The following C12orf42 variants were observed in gnomAD, a reference collection of about 807,000 sequenced individuals.
The protein encoded by C12orf42 is uncharacterized protein C12orf42.
In C12orf42, 25 loss-of-function variants were observed where a neutral mutation model predicts 21.6. That is an observed-to-expected ratio of 1.16 (90% CI 0.84 to 1.62). The LOEUF is 1.62. C12orf42 is among the 40% of genes most tolerant of loss of function. The pLI, the probability that C12orf42 is intolerant of heterozygous loss-of-function variation, is 0.00. For synonymous variants in C12orf42, 174 were observed against 175.0 expected (o/e 0.99, Z 0.05); for missense variants, 483 against 459.3 (o/e 1.05, Z -0.47).
chr12:103,048,238 G>A, the C12orf42 span, among the ~76,000 whole-genome samples: 1 of 152,048 alleles, frequency 6.6e-6, no homozygotes, highest in African/African-American at 2.4e-5. Context: ...GAATAATAAA[G>A]TAGGGGGCAG....
At chr12:103,371,708 T>A (rs1211776487) in intron 3 of C12orf42, among the ~76,000 whole-genome samples, 2 of 152,110 alleles carry the variant, frequency 1.3e-5, no homozygotes, top group Non-Finnish European at 1.5e-5. Flanking sequence ...CATGTGTGCA[T>A]GGGCAATCTT....
chr12:103,346,088 C>T (rs1385824772), intron 4 of C12orf42, among the ~76,000 whole-genome samples: 1 of 152,110 alleles, frequency 6.6e-6, no homozygotes, highest in Non-Finnish European at 1.5e-5. Context: ...AATTACAATT[C>T]TTCAATGTTA....
At chr12:103,200,439 T>A in the C12orf42 span, among the ~76,000 whole-genome samples, 9 of 152,356 alleles carry the variant, frequency 5.9e-5, no homozygotes, top group African/African-American at 2.2e-4. Flanking sequence ...AACAATACTG[T>A]ATTGCATATA....
the C12orf42 span, among the ~76,000 whole-genome samples, chr12:103,506,867 TA>T: frequency 2.9e-4 from 19 of 65,620 alleles, no homozygotes; most frequent in South Asian, 6.9e-4. Flanking sequence ...ATTATATATA[TA>T]TATTTATATA....
intron 4 of C12orf42, among the ~76,000 whole-genome samples, chr12:103,314,113 A>G (rs948138841): frequency 6.6e-6 from 1 of 152,220 alleles, no homozygotes; most frequent in Non-Finnish European, 1.5e-5. Context: ...GGAAAAAAAG[A>G]GTATCCCAGC....
chr12:103,302,162 A>G lies in C12orf42; in HGVS notation c.1029T>C (p.His343=), dbSNP rs758623634. 1 of 1,349,914 alleles carries G rather than the reference A, an allele frequency of 7.4e-7. No individual in the cohort carries two copies. Among genetic ancestry groups the G allele is most frequent in the African/African-American group, 1.5e-5 (1 of 68,938 alleles). 83.6% of individuals were successfully genotyped at this position (1,349,914 alleles called of 1,614,324 possible). A position where few individuals can be genotyped will look rare whatever the true frequency, so the allele number is the denominator to read the frequency against. The change falls in exon 6 of 6, where the codon CAT becomes CAC. Residue 343 remains histidine, a synonymous_variant. Coordinates refer to ENST00000548883, the MANE Select transcript of C12orf42 (RefSeq NM_198521.5). ...TAGAAAGGGCCTGTGAACAAACCGTATGGAAACGCCGGGTTGGGCGGGGGG... is the reference window on the plus strand; with the variant it reads ...TAGAAAGGGCCTGTGAACAAACCGTGTGGAAACGCCGGGTTGGGCGGGGGG... The part of the protein sequence containing the change: ...SAPPRPTRRF[H]TVCSQALSRP...
chr12:103,159,334 G>T, the C12orf42 span: 1 of 152,158 alleles, frequency 6.6e-6, no homozygotes, highest in Non-Finnish European at 1.5e-5. Context: ...CCTAATGTTA[G>T]TGATGACACA....
At chr12:103,280,791 C>T (rs1436402183) in intron 4 of C12orf42, among the ~76,000 whole-genome samples, 1 of 152,198 alleles carries the variant, frequency 6.6e-6, no homozygotes, top group Non-Finnish European at 1.5e-5. Flanking sequence ...ACCACACGAA[C>T]CTATGGATTA....
chr12:103,062,623 C>T, the C12orf42 span, among the ~76,000 whole-genome samples: 65 of 152,008 alleles, frequency 4.3e-4, no homozygotes, highest in Non-Finnish European at 8.1e-4. Context: ...TACTTTTGCA[C>T]CAACCTAATA....
the C12orf42 span, among the ~76,000 whole-genome samples, chr12:103,124,314 T>G: frequency 6.6e-6 from 1 of 151,928 alleles, no homozygotes; most frequent in Non-Finnish European, 1.5e-5. Context: ...CACAGAAAAG[T>G]GTGTACCATG....
At chr12:103,559,175 C>G in the C12orf42 span, 3 of 152,244 alleles carry the variant, frequency 2.0e-5, no homozygotes, top group South Asian at 6.2e-4. Flanking sequence ...TGCTCTTGCT[C>G]TAGGAGGTTG....
downstream of C12orf42, among the ~76,000 whole-genome samples, chr12:103,266,874 G>T (rs190935089): frequency 4.3e-4 from 65 of 152,206 alleles, no homozygotes; most frequent in African/African-American, 1.4e-3. Context: ...TAACCTTCTA[G>T]GGTATCTGGG....
chr12:103,301,433 T>G (rs1347047242), downstream of C12orf42, among the ~76,000 whole-genome samples: 1 of 152,198 alleles, frequency 6.6e-6, no homozygotes, highest in Non-Finnish European at 1.5e-5. Flanking sequence ...AGCTGCTATA[T>G]TAACAAAATA....
intron 4 of C12orf42, among the ~76,000 whole-genome samples, chr12:103,325,540 T>C (rs2040596895): frequency 6.6e-6 from 1 of 152,170 alleles, no homozygotes; most frequent in South Asian, 2.1e-4. Flanking sequence ...GAAGGCTGAG[T>C]CTTGCCATAC....
chr12:103,118,449 A>G, the C12orf42 span, among the ~76,000 whole-genome samples: 3 of 152,198 alleles, frequency 2.0e-5, no homozygotes, highest in South Asian at 2.1e-4. Flanking sequence ...CAAGATTCAT[A>G]TGGACCTTTC....
the C12orf42 span, among the ~76,000 whole-genome samples, chr12:103,137,790 G>A: frequency 0.012 from 1,802 of 152,252 alleles, 81 homozygotes; most frequent in East Asian, 0.14. Flanking sequence ...AATACTGCAT[G>A]TTCTCACTCA....
chr12:103,138,548 C>A, the C12orf42 span, among the ~76,000 whole-genome samples: 1 of 152,106 alleles, frequency 6.6e-6, no homozygotes, highest in South Asian at 2.1e-4. Flanking sequence ...CTCTTTTCTT[C>A]AAAAATAACC....
At chr12:103,187,527 A>G in the C12orf42 span, among the ~76,000 whole-genome samples, 1 of 152,234 alleles carries the variant, frequency 6.6e-6, no homozygotes, top group Non-Finnish European at 1.5e-5. Flanking sequence ...CATGGCAAGT[A>G]AAGATCTCTT....
At chr12:103,483,079 G>A (rs944107207) in intron 1 of C12orf42, among the ~76,000 whole-genome samples, 60 of 152,120 alleles carry the variant, frequency 3.9e-4, no homozygotes, top group African/African-American at 1.4e-3. Flanking sequence ...ATTGGTGTCT[G>A]TTATTTCTGT....
Sources: gnomAD v4.1 joint callset for allele counts (sites outside exome capture counted in the v4.1 genomes callset) on GRCh38, gnomAD v4.1.1 for gene constraint, MANE v1.5 for transcripts, NCBI Gene and HGNC (gene_info 2026-07-23, HGNC 2026-07-21) for gene names.